CCSER1: variants seen among roughly 807,000 people sequenced by gnomAD.
CCSER1 encodes serine-rich coiled-coil domain-containing protein 1.
Under a neutral mutation model 82.0 loss-of-function variants are expected in CCSER1, and 41 were observed. The ratio of observed to expected loss-of-function variants is 0.50; its 90% CI spans 0.39 to 0.65. CCSER1 has a LOEUF of 0.65. CCSER1 is among the 30% of genes least tolerant of loss of function. The probability of loss-of-function intolerance (pLI) is 0.00; values close to 1 mark genes in which losing one functional copy is unlikely to be tolerated. For synonymous variants in CCSER1, 414 were observed against 383.9 expected (o/e 1.08, Z -0.92); for missense variants, 1,119 against 1,064.2 (o/e 1.05, Z -0.72).
intron 10 of CCSER1, among the ~76,000 whole-genome samples, chr4:91,552,910 A>G (rs1351882939): frequency 6.6e-6 from 1 of 151,574 alleles, no homozygotes; most frequent in African/African-American, 2.4e-5. Context: ...CCAATACTAT[A>G]TCAAATAGAA....
At chr4:91,025,077 T>C (rs1203786989) in intron 9 of CCSER1, among the ~76,000 whole-genome samples, 2 of 152,190 alleles carry the variant, frequency 1.3e-5, no homozygotes, top group Non-Finnish European at 2.9e-5. Context: ...AATGTTGCTA[T>C]CCAGCTGTTA....
intron 4 of CCSER1, among the ~76,000 whole-genome samples, chr4:90,458,675 G>T (rs996223081): frequency 6.6e-6 from 1 of 152,092 alleles, no homozygotes; most frequent in Non-Finnish European, 1.5e-5. Flanking sequence ...AAGTTTTAAT[G>T]GTCCTGCCAA....
At chr4:90,583,006 TTTG>T (rs1781578330) in intron 5 of CCSER1, among the ~76,000 whole-genome samples, 1 of 152,118 alleles carries the variant, frequency 6.6e-6, no homozygotes, top group Non-Finnish European at 1.5e-5. Context: ...ATACATTCAG[TTTG>T]TTATGTCTGT....
intron 9 of CCSER1, among the ~76,000 whole-genome samples, chr4:90,998,754 G>A (rs990550569): frequency 6.6e-6 from 1 of 151,176 alleles, no homozygotes; most frequent in Non-Finnish European, 1.5e-5. Flanking sequence ...ATTAGATTAT[G>A]AGAGTACATA....
At chr4:91,073,514 C>A (rs974412834) in intron 9 of CCSER1, among the ~76,000 whole-genome samples, 3 of 151,994 alleles carry the variant, frequency 2.0e-5, no homozygotes, top group African/African-American at 7.2e-5. Flanking sequence ...ACTTACAAAA[C>A]GAATCCTAAG....
At chr4:90,954,776 G>A (rs928682977) in intron 9 of CCSER1, among the ~76,000 whole-genome samples, 1 of 108,226 alleles carries the variant, frequency 9.2e-6, no homozygotes, top group Non-Finnish European at 2.1e-5. Flanking sequence ...TTGAGGGTAT[G>A]CAGTACATTT....
At chr4:91,298,092 A>G (rs959072677) in intron 10 of CCSER1, among the ~76,000 whole-genome samples, 1 of 152,176 alleles carries the variant, frequency 6.6e-6, no homozygotes, top group East Asian at 1.9e-4. Flanking sequence ...AATGGCTGGG[A>G]TGACAAATAA....
At chr4:90,295,889 A>T (rs560574525) in intron 1 of CCSER1, among the ~76,000 whole-genome samples, 1 of 152,022 alleles carries the variant, frequency 6.6e-6, no homozygotes, top group Admixed American at 6.6e-5. Flanking sequence ...ATGTTTGAAC[A>T]AGAATTCCTT....
chr4:90,381,356 A>G (rs1749175281), intron 3 of CCSER1, among the ~76,000 whole-genome samples: 2 of 152,240 alleles, frequency 1.3e-5, no homozygotes, highest in Admixed American at 1.3e-4. Context: ...ACAAATTTGA[A>G]AAGTCAGAAT....
At chr4:90,869,652 T>C (rs10004487) in intron 8 of CCSER1, among the ~76,000 whole-genome samples, 63,974 of 151,562 alleles carry the variant, frequency 0.42, 14,192 homozygotes, top group African/African-American at 0.55. Context: ...CCTCCAGTTT[T>C]GCTCTTTTTG....
At chr4:91,008,211 G>A (rs1247366159) in intron 9 of CCSER1, among the ~76,000 whole-genome samples, 1 of 152,062 alleles carries the variant, frequency 6.6e-6, no homozygotes, top group Non-Finnish European at 1.5e-5. Flanking sequence ...ATCCCTCTCT[G>A]CTACTTTTGG....
At chr4:91,095,243 T>A (rs1056028576) in intron 10 of CCSER1, among the ~76,000 whole-genome samples, 1 of 152,212 alleles carries the variant, frequency 6.6e-6, no homozygotes, top group Non-Finnish European at 1.5e-5. Flanking sequence ...CTGTGGTCTT[T>A]TGCTGTGCGT....
intron 4 of CCSER1, among the ~76,000 whole-genome samples, chr4:90,444,803 G>A (rs545376064): frequency 6.6e-6 from 1 of 152,070 alleles, no homozygotes; most frequent in Admixed American, 6.6e-5. Flanking sequence ...TTAAAAGGGT[G>A]AAAAATTACG....
At chr4:90,229,555 G>T (rs1004652920) in intron 1 of CCSER1, among the ~76,000 whole-genome samples, 1 of 151,778 alleles carries the variant, frequency 6.6e-6, no homozygotes, top group Non-Finnish European at 1.5e-5. Context: ...GGAAGAAACT[G>T]CATGAACTAA....
intron 10 of CCSER1, among the ~76,000 whole-genome samples, chr4:91,468,764 T>G (rs549208693): frequency 1.3e-3 from 195 of 152,098 alleles, no homozygotes; most frequent in African/African-American, 4.3e-3. Flanking sequence ...AATTAATCAG[T>G]TTACTTGGGA....
At chr4:90,209,555 T>C (rs1739546592) in intron 1 of CCSER1, among the ~76,000 whole-genome samples, 1 of 152,122 alleles carries the variant, frequency 6.6e-6, no homozygotes, top group Admixed American at 6.5e-5. Context: ...GCCTAAAAAA[T>C]AATACTAGAT....
chr4:90,183,696 GCAGTTGTACAGACAA>G (rs1309289481), intron 1 of CCSER1, among the ~76,000 whole-genome samples: 1 of 152,094 alleles, frequency 6.6e-6, no homozygotes, highest in Non-Finnish European at 1.5e-5. Context: ...TACCTCAAAG[GCAGTTGTACAGACAA>G]CACTAGTAAT....
chr4:91,265,733 C>T (rs1021011005), intron 10 of CCSER1, among the ~76,000 whole-genome samples: 3 of 152,144 alleles, frequency 2.0e-5, no homozygotes, highest in Admixed American at 1.3e-4. Context: ...ATAAAATAAG[C>T]AAGTGGAAAG....
chr4:90,561,400 T>C (rs1005908275), intron 5 of CCSER1, among the ~76,000 whole-genome samples: 5 of 152,242 alleles, frequency 3.3e-5, no homozygotes, highest in Non-Finnish European at 5.9e-5. Context: ...AGTGTTAACT[T>C]TAATGTTTAT....
Sources: allele counts gnomAD v4.1 joint callset (sites outside exome capture counted in the v4.1 genomes callset), GRCh38; gene constraint gnomAD v4.1.1; transcripts MANE v1.5; gene names NCBI Gene and HGNC (gene_info 2026-07-23, HGNC 2026-07-21).